The following MYBPC2 variants were observed in gnomAD, a reference collection of about 807,000 sequenced individuals.
MYBPC2 encodes the protein myosin binding protein C2.
In MYBPC2, 122 loss-of-function variants were observed where a neutral mutation model predicts 137.0. The observed-to-expected ratio is 0.89, with a 90% CI of 0.77 to 1.03. The LOEUF is 1.03. Ranked by LOEUF, MYBPC2 falls within the 50% of genes least tolerant of loss-of-function variation. The pLI, the probability that MYBPC2 is intolerant of heterozygous loss-of-function variation, is 0.00. For missense variants in MYBPC2, 1,500 were observed against 1,534.4 expected, an observed-to-expected ratio of 0.98 and a Z score of 0.37; for synonymous variants, 626 against 612.3, an observed-to-expected ratio of 1.02 and a Z score of -0.33.
chr19:50,455,073 C>T lies in MYBPC2; in HGVS notation c.2015-35C>T, dbSNP rs148262229. 965 of 1,572,274 alleles carry T rather than the reference C, an allele frequency of 6.1e-4. 12 individuals are homozygous for T. In the Admixed American group the frequency reaches 0.016, roughly 26 times the overall value. The stretch of plus-strand genomic sequence containing the variant: ...AGCTGACTCATGCCCCATGCCCTCC[C>T]GTTCCCTCTTCTCCTCTCTGCTTGG... On this transcript the variant is annotated intron_variant, in intron 18 of 27. Coordinates refer to ENST00000357701, the MANE Select transcript of MYBPC2 (RefSeq NM_004533.4).
At position 50,450,858 on chromosome 19, in the gene MYBPC2, G is replaced by A. The variant is rs1481702885; in HGVS notation, c.1502G>A (p.Arg501His). 12 of 1,577,100 alleles carry A rather than the reference G, an allele frequency of 7.6e-6. No individual in the cohort carries two copies. Among genetic ancestry groups the A allele is most frequent in the East Asian group, 2.3e-5 (1 of 42,698 alleles). The stretch of plus-strand genomic sequence containing the variant: ...CACAAGCTGGTGATCGATGACGTCC[G>A]CCCCGAGGATGAGGGAGACTACACG... Reference protein sequence around the residue: ...RFHKLVIDDVRPEDEGDYTFV... With the variant: ...RFHKLVIDDVHPEDEGDYTFV... Residue 501 changes from arginine to histidine, a missense_variant, in exon 14 of 28, where the codon CGC (arginine) becomes CAC (histidine). By Grantham distance (29) the Arg-to-His change is conservative. Coordinates refer to ENST00000357701, the MANE Select transcript of MYBPC2 (RefSeq NM_004533.4).
At chr19:50,436,505 C>T in intron 4 of MYBPC2, 112 bp from the exon 5 acceptor site, 1 of 996,544 alleles carries the variant, frequency 1.0e-6, no homozygotes, top group Non-Finnish European at 1.5e-6. Context: ...CATTGGCCCC[C>T]CTGTGGGGTG....
chr19:50,466,077 C>T lies in MYBPC2; in HGVS notation c.3416-118C>T, dbSNP rs1192419860. ...CCAGCCACAGTGGCCTAGGATGGGG[C>T]GGGATGGTGACCGTCATCCTGTCCC... On this transcript the variant is annotated intron_variant, in intron 27 of 27. Transcript: ENST00000357701. This position sits in a 1 kb window ranked among gnomAD's most constrained non-coding sequence, Gnocchi z 4.9. 145 of 1,413,642 alleles carry T rather than the reference C, an allele frequency of 1.0e-4. 1 individual carries two copies. The highest frequency in any genetic ancestry group is 1.5e-4 in the South Asian group (12 of 81,428). 87.6% of individuals were successfully genotyped at this position (1,413,642 alleles called of 1,614,324 possible).
Position 50,461,592 on chromosome 19 carries a change from C to T in MYBPC2, c.2982C>T (p.Ser994=), listed in dbSNP as rs374048092. 2.5e-6 allele frequency: 4 copies of T among 1,613,736 alleles called. No homozygotes were observed. The highest frequency in any genetic ancestry group is 2.2e-5 in the East Asian group (1 of 44,874). ...ERNRHTSCTV[S]DLIVGNEYYF... is the part of the protein sequence containing the mutation. Reference sequence around the variant, plus strand: ...ACAGGCACACTAGCTGTACTGTGTCCGACCTTATCGTGGGCAATGAATACT... The same window carrying T: ...ACAGGCACACTAGCTGTACTGTGTCTGACCTTATCGTGGGCAATGAATACT... The change falls in exon 25 of 28, where the codon TCC becomes TCT. Residue 994 remains serine (S), a synonymous_variant. Transcript: ENST00000357701.
chr19:50,447,336 G>T (rs888533937), intron 12 of MYBPC2, among the ~76,000 whole-genome samples: 1 of 151,890 alleles, frequency 6.6e-6, no homozygotes, highest in Non-Finnish European at 1.5e-5. Context: ...AAGCTCTAGG[G>T]GTCTATAATT....
rs376094153 is a variant in MYBPC2 at position 50,461,564 on chromosome 19, G to A, written c.2954G>A (p.Arg985His). Reference sequence around the variant, plus strand: ...TAGGAGTGGTTCAACGTCTATGAACGTAACAGGCACACTAGCTGTACTGTG... The same window carrying A: ...TAGGAGTGGTTCAACGTCTATGAACATAACAGGCACACTAGCTGTACTGTG... ...KTMEWFNVYE[R>H]NRHTSCTVSD... is the part of the protein sequence containing the mutation. Residue 985 changes from arginine (R) to histidine (H), a missense_variant, in exon 25 of 28, where the codon CGT (arginine) becomes CAT (histidine). Transcript: ENST00000357701. 28 of 1,613,392 alleles carry A rather than the reference G, an allele frequency of 1.7e-5. No individual in the cohort carries two copies. The highest frequency in any genetic ancestry group is 1.7e-4 in the Admixed American group (10 of 59,940).
chr19:50,458,928 G>T lies in MYBPC2; in HGVS notation c.2517G>T (p.Lys839Asn). ...VTIREIAEPP[K>N]IRLPRHLRQT... ...TGTTTGCGCCCTCAGAGCCACCCAA[G>T]ATCCGGCTTCCCCGCCATCTCCGCC... The change falls in exon 22 of 28, where the codon AAG becomes AAT. Residue 839 changes from lysine to asparagine, a missense_variant. Lys to Asn is a moderately conservative substitution (Grantham distance 94, BLOSUM62 0). Transcript: ENST00000357701. 1 of 1,611,772 alleles carries T rather than the reference G, an allele frequency of 6.2e-7. No individual in the cohort carries two copies. Among genetic ancestry groups the T allele is most frequent in the Non-Finnish European group, 8.5e-7 (1 of 1,179,204 alleles).
chr19:50,463,666 C>T (rs928672429), intron 26 of MYBPC2, among the ~76,000 whole-genome samples: 3 of 152,202 alleles, frequency 2.0e-5, no homozygotes, highest in Non-Finnish European at 4.4e-5. Flanking sequence ...GGGCCAGACA[C>T]GGTGGCTCAC....
At chr19:50,453,271 G>A (rs2039877394) in intron 16 of MYBPC2, among the ~76,000 whole-genome samples, 1 of 151,944 alleles carries the variant, frequency 6.6e-6, no homozygotes, top group South Asian at 2.1e-4. Context: ...CTTTACTCTT[G>A]CGGAGACGCA....
At chr19:50,434,799 C>T (rs1304984928) in intron 1 of MYBPC2, among the ~76,000 whole-genome samples, 2 of 152,160 alleles carry the variant, frequency 1.3e-5, no homozygotes, top group Non-Finnish European at 2.9e-5. Context: ...AAGGATGCTG[C>T]GGTCAGCACC....
rs374380507 is a variant in MYBPC2, at chr19:50,461,916, G to A, written c.3108G>A (p.Pro1036=). The A allele has an allele frequency of 6.9e-6, 11 of 1,597,582 alleles. No individual in the cohort carries two copies. The highest frequency in any genetic ancestry group is 3.4e-5 in the South Asian group (3 of 88,208). ...RILKTGITFK[P]FEYKEHDFRM... ...TCTCCCCAGGAATCACCTTCAAACC[G>A]TTCGAGTATAAGGAGCATGACTTCC... The change falls in exon 26 of 28, where the codon CCG becomes CCA. Residue 1036 remains proline, a synonymous_variant. Coordinates refer to ENST00000357701, the MANE Select transcript of MYBPC2 (RefSeq NM_004533.4).
chr19:50,437,650 T>G lies in MYBPC2; in HGVS notation c.513-9T>G. ...GGTCAAGACTCACATGCCCTCTCAATGGCCACAGGAGTGAAAAGAAGTCGG... is the reference window on the plus strand; with the variant it reads ...GGTCAAGACTCACATGCCCTCTCAAGGGCCACAGGAGTGAAAAGAAGTCGG... On this transcript the variant is annotated splice_polypyrimidine_tract_variant and intron_variant, in intron 6 of 27. Coordinates refer to ENST00000357701, the MANE Select transcript of MYBPC2 (RefSeq NM_004533.4). 5.0e-6 allele frequency: 8 copies of G among 1,602,346 alleles called. No homozygotes were observed. Among genetic ancestry groups the G allele is most frequent in the Non-Finnish European group, 6.8e-6 (8 of 1,174,406 alleles).
In MYBPC2 at chr19:50,442,235, A is replaced by C. The variant is rs780521698; in HGVS notation, c.824A>C (p.Lys275Thr). The part of the protein sequence containing the change: ...AYQVDRGNKI[K>T]LMVEISDPDL... ...CAAGTGGACAGAGGCAACAAGATCAAGTTGATGGTAGAGATCAGCGACCCA... is the reference window on the plus strand; with the variant it reads ...CAAGTGGACAGAGGCAACAAGATCACGTTGATGGTAGAGATCAGCGACCCA... The change falls in exon 9 of 28, where the codon AAG (lysine) becomes ACG (threonine). Residue 275 changes from lysine to threonine, a missense_variant. By Grantham distance (78) the Lys-to-Thr change is moderately conservative (BLOSUM62 -1). Transcript: ENST00000357701. 8.7e-6 allele frequency: 14 copies of C among 1,604,014 alleles called. No individual in the cohort carries two copies. Among genetic ancestry groups the C allele is most frequent in the Non-Finnish European group, 1.2e-5 (14 of 1,175,418 alleles).
At chr19:50,447,478 C>T (rs1258417190) in intron 12 of MYBPC2, among the ~76,000 whole-genome samples, 1 of 152,066 alleles carries the variant, frequency 6.6e-6, no homozygotes, top group Non-Finnish European at 1.5e-5. Flanking sequence ...CCTGCCATTC[C>T]AACTCTTTGT....
Position 50,435,266 on chromosome 19 carries a change from C to T in MYBPC2, c.109+16C>T, listed in dbSNP as rs1306522186. The T allele has an allele frequency of 9.3e-6, 10 of 1,077,978 alleles. No individual in the cohort carries two copies. Among genetic ancestry groups the T allele is most frequent in the Non-Finnish European group, 1.4e-5 (10 of 709,006 alleles). The allele number at this position is 1,077,978 out of a possible 1,614,324, so 66.8% of individuals were successfully genotyped here. ...GCCCCCAAAGGTGAGGAGGTGCTCC[C>T]TCGGGCTCAACCGACCTGGCTTCTC... is the stretch of plus-strand genomic sequence containing the variant. On this transcript the variant is annotated intron_variant, in intron 2 of 27. Transcript: ENST00000357701. This position sits in a 1 kb window ranked among gnomAD's most constrained non-coding sequence, Gnocchi z 4.8.
chr19:50,436,044 G>T lies in MYBPC2; in HGVS notation c.229G>T (p.Gly77Trp), dbSNP rs775004873. The T allele has an allele frequency of 6.3e-7, 1 of 1,584,484 alleles. No homozygotes were observed. The highest frequency in any genetic ancestry group is 1.8e-5 in the Admixed American group (1 of 55,472). ...KDAVVVAKVN[G>W]KELPDKPTIK... is the part of the protein sequence containing the mutation. ...CGCAGTGGTCGTGGCCAAGGTGAAC[G>T]GGAAGGAGCTCCCAGACAAACCGAC... Residue 77 changes from glycine to tryptophan, a missense_variant, in exon 4 of 28, where the codon GGG (glycine) becomes TGG (tryptophan). Coordinates refer to ENST00000357701, the MANE Select transcript of MYBPC2 (RefSeq NM_004533.4).
chr19:50,462,765 C>G (rs535473842), intron 26 of MYBPC2, among the ~76,000 whole-genome samples: 1 of 151,496 alleles, frequency 6.6e-6, no homozygotes, highest in South Asian at 2.1e-4. Flanking sequence ...TTAGTAGAGA[C>G]GGCGTTTTGC....
Position 50,459,016 on chromosome 19 carries a change from G to T in MYBPC2, c.2595+10G>T. The T allele has an allele frequency of 6.2e-7, 1 of 1,604,744 alleles. No homozygotes were observed. Among genetic ancestry groups the T allele is most frequent in the Non-Finnish European group, 8.5e-7 (1 of 1,176,328 alleles). The stretch of plus-strand genomic sequence containing the variant: ...TGTCGTCCCCTTCCAGGTCAGGGGA[G>T]CGGGGTCACGGGCCGGGGGTCCGCT... On this transcript the variant is annotated intron_variant, in intron 22 of 27. Transcript: ENST00000357701.
rs1601291282 is a variant in MYBPC2, at chr19:50,452,005, T to C, written c.1749+2T>C. Reference sequence around the variant, plus strand: ...GCTACCTGGCTGAAGGGAGATGAGGTGGGTTGGGGCCGCCCCTCTGTCCTC... The same window carrying C: ...GCTACCTGGCTGAAGGGAGATGAGGCGGGTTGGGGCCGCCCCTCTGTCCTC... On this transcript the variant is annotated splice_donor_variant, in intron 16 of 27. Coordinates refer to ENST00000357701, the MANE Select transcript of MYBPC2 (RefSeq NM_004533.4). LOFTEE classifies it high-confidence loss of function. 4 of 1,551,684 alleles carry C rather than the reference T, an allele frequency of 2.6e-6. No individual in the cohort carries two copies. Among genetic ancestry groups the C allele is most frequent in the Non-Finnish European group, 2.6e-6 (3 of 1,147,006 alleles).
Sources: gnomAD v4.1 joint callset for allele counts (sites outside exome capture counted in the v4.1 genomes callset) on GRCh38, gnomAD v4.1.1 for gene constraint, Gnocchi (gnomAD v3.1) non-coding constraint, MANE v1.5 for transcripts, NCBI Gene and HGNC (gene_info 2026-07-23, HGNC 2026-07-21) for gene names.